The following AGAP1 variants were observed in gnomAD, a reference collection of about 807,000 sequenced individuals.
AGAP1 encodes arf-GAP with GTPase, ANK repeat and PH domain-containing protein 1.
Under a neutral mutation model 105.3 loss-of-function variants are expected in AGAP1, and 29 were observed. That is an observed-to-expected ratio of 0.28 (90% confidence interval 0.21 to 0.38). The LOEUF (loss-of-function observed/expected upper bound fraction) is 0.38. Among genes scored for constraint, AGAP1 ranks in the 10% least tolerant of loss-of-function variants. AGAP1 has a pLI of 1.00. For missense variants in AGAP1, 998 were observed against 1,165.1 expected (o/e 0.86, Z 2.09); for synonymous variants, 509 against 485.9 (o/e 1.05, Z -0.63).
chr2:236,028,313 C>G (rs1273438339), intron 13 of AGAP1, among the ~76,000 whole-genome samples: 2 of 152,196 alleles, frequency 1.3e-5, no homozygotes, highest in African/African-American at 4.8e-5. Context: ...AGGCCACCCT[C>G]AGGCTCTGGT....
intron 9 of AGAP1, among the ~76,000 whole-genome samples, chr2:235,811,180 T>C (rs1190131817): frequency 3.9e-5 from 6 of 152,190 alleles, no homozygotes; most frequent in African/African-American, 1.4e-4. Context: ...TTTTAATCTC[T>C]ATATTTGAGT....
At chr2:235,727,292 C>T (rs1202072989) in intron 3 of AGAP1, among the ~76,000 whole-genome samples, 1 of 151,652 alleles carries the variant, frequency 6.6e-6, no homozygotes, top group Admixed American at 6.6e-5. Context: ...AGTCCCAACC[C>T]TGTGTCTTCA....
Position 235,556,877 on chromosome 2 carries a change from C to G in AGAP1, c.163+62028C>G, listed in dbSNP as rs1943991457. ...AATTCCTGACCTAAGCTTGTGTGGT[C>G]TTTTGCTCTTCATTGGCAATGTAGA... On this transcript the variant is annotated intron_variant, in intron 1 of 17. Transcript: ENST00000304032. This position sits in a 1 kb window ranked among gnomAD's most constrained non-coding sequence, Gnocchi z 5.3. Among the ~76,000 whole-genome samples the G allele has an allele frequency of 6.6e-6, 1 of 152,126 alleles. No individual in the cohort carries two copies. The highest frequency in any genetic ancestry group is 1.5e-5 in the Non-Finnish European group (1 of 68,040).
chr2:235,804,688 T>A (rs1192872745), intron 8 of AGAP1, among the ~76,000 whole-genome samples: 1 of 152,204 alleles, frequency 6.6e-6, no homozygotes, highest in Non-Finnish European at 1.5e-5. Flanking sequence ...CAGGTGATAA[T>A]TGGATTACCT....
rs1224610061 is a variant in AGAP1, at chr2:235,596,052, C to G, written c.163+101203C>G. On this transcript the variant is annotated intron_variant, in intron 1 of 17. Coordinates refer to ENST00000304032, the MANE Select transcript of AGAP1 (RefSeq NM_001037131.3). The surrounding 1 kb of genome is among the most constrained non-coding windows in gnomAD (Gnocchi z 5.9). ...GGAAGTGGTTGTGAAAATCGCAGCC[C>G]TGTGAATTGTGTGCCCTAAGAGCCA... is the stretch of plus-strand genomic sequence containing the variant. Among the ~76,000 whole-genome samples the G allele has an allele frequency of 2.0e-5, 3 of 152,182 alleles. No homozygotes were observed. The highest frequency in any genetic ancestry group is 7.2e-5 in the African/African-American group (3 of 41,460).
At chr2:235,707,850 G>A (rs1209576685) in intron 1 of AGAP1, among the ~76,000 whole-genome samples, 1 of 151,318 alleles carries the variant, frequency 6.6e-6, no homozygotes, top group African/African-American at 2.4e-5. Context: ...CTCCCCCAGT[G>A]TGTGACATGG....
At position 236,061,381 on chromosome 2, in the gene AGAP1, C is replaced by T. The variant is rs1317057571; in HGVS notation, c.2114+12100C>T. Reference sequence around the variant, plus strand: ...CCTAAGATAAATGAAAACACTTGTCCACACAAAAATGTACACCTGAGTGTT... The same window carrying T: ...CCTAAGATAAATGAAAACACTTGTCTACACAAAAATGTACACCTGAGTGTT... On this transcript the variant is annotated intron_variant, in intron 16 of 17. Transcript: ENST00000304032. This position sits in a 1 kb window ranked among gnomAD's most constrained non-coding sequence, Gnocchi z 4.1. 1.3e-5 allele frequency among the ~76,000 whole-genome samples: 2 copies of T among 152,112 alleles called. No homozygotes were observed. The highest frequency in any genetic ancestry group is 2.4e-5 in the African/African-American group (1 of 41,416).
intron 13 of AGAP1, among the ~76,000 whole-genome samples, chr2:235,969,367 A>G (rs1373464480): frequency 6.6e-6 from 1 of 152,186 alleles, no homozygotes; most frequent in Non-Finnish European, 1.5e-5. Flanking sequence ...TGCAGTTGTA[A>G]CAAAGGAATA....
chr2:235,515,800 A>G (rs948069538), intron 1 of AGAP1, among the ~76,000 whole-genome samples: 43 of 152,184 alleles, frequency 2.8e-4, no homozygotes, highest in African/African-American at 9.9e-4. Flanking sequence ...CTTCTTGCAA[A>G]TAGTAAGGAA....
chr2:235,783,389 A>G (rs1268612301), intron 6 of AGAP1: 4 of 471,166 alleles, frequency 8.5e-6, no homozygotes, highest in Non-Finnish European at 1.8e-5. Context: ...TGGCCGGACC[A>G]GAGAAGTTAT....
Position 235,725,184 on chromosome 2 carries a change from G to A in AGAP1, c.310+7540G>A, listed in dbSNP as rs1470246586. 6.6e-6 allele frequency among the ~76,000 whole-genome samples: 1 copy of A among 152,202 alleles called. No individual in the cohort carries two copies. The highest frequency in any genetic ancestry group is 1.9e-4 in the East Asian group (1 of 5,178). On this transcript the variant is annotated intron_variant, in intron 3 of 17. Transcript: ENST00000304032. This position sits in a 1 kb window ranked among gnomAD's most constrained non-coding sequence, Gnocchi z 5.7. Reference sequence around the variant, plus strand: ...CAGCTGGCTGTACAGCCACCTGCAAGTCTTTGTTCCCGGGGTTAGCCTTGC... The same window carrying A: ...CAGCTGGCTGTACAGCCACCTGCAAATCTTTGTTCCCGGGGTTAGCCTTGC...
chr2:235,775,444 A>G (rs1453090167), intron 6 of AGAP1, among the ~76,000 whole-genome samples: 3 of 152,250 alleles, frequency 2.0e-5, no homozygotes, highest in East Asian at 1.9e-4. Flanking sequence ...ACGAGTTACC[A>G]TAGAAAGCTT....
intron 1 of AGAP1, among the ~76,000 whole-genome samples, chr2:235,521,212 T>A (rs188889389): frequency 4.4e-4 from 67 of 152,338 alleles, no homozygotes; most frequent in Admixed American, 9.8e-4. Flanking sequence ...GGTGATAAAC[T>A]CCAGTTATTG....
At chr2:235,513,341 T>C (rs1214165776) in intron 1 of AGAP1, among the ~76,000 whole-genome samples, 3 of 151,826 alleles carry the variant, frequency 2.0e-5, no homozygotes, top group Non-Finnish European at 4.4e-5. Context: ...GCCAACATGG[T>C]GAAACCCCGT....
intron 1 of AGAP1, among the ~76,000 whole-genome samples, chr2:235,534,718 G>C (rs879466797): frequency 1.3e-5 from 2 of 152,182 alleles, no homozygotes; most frequent in Non-Finnish European, 2.9e-5. Flanking sequence ...TCCTCATTCA[G>C]GGACACGGGG....
intron 13 of AGAP1, among the ~76,000 whole-genome samples, chr2:236,024,329 G>A (rs1293690738): frequency 2.6e-5 from 4 of 152,034 alleles, no homozygotes; most frequent in East Asian, 1.9e-4. Flanking sequence ...TAGCCACTGC[G>A]CCCGGCCCCA....
chr2:235,590,113 T>A (rs1259042123), intron 1 of AGAP1, among the ~76,000 whole-genome samples: 1 of 152,092 alleles, frequency 6.6e-6, no homozygotes, highest in Non-Finnish European at 1.5e-5. Context: ...ACTCCTGACT[T>A]CAAGTGATCT....
At position 235,578,721 on chromosome 2, in the gene AGAP1, G is replaced by T. The variant is rs554181072; in HGVS notation, c.163+83872G>T. On this transcript the variant is annotated intron_variant, in intron 1 of 17. Transcript: ENST00000304032. This position sits in a 1 kb window ranked among gnomAD's most constrained non-coding sequence, Gnocchi z 4.9. ...AATTGCTTGAACCCAGGAGGCGGAG[G>T]TTGCAGTAAGCCGACATTGTGCCAC... 1.0e-3 allele frequency among the ~76,000 whole-genome samples: 151 copies of T among 150,548 alleles called. 1 individual carries two copies. Among genetic ancestry groups the T allele is most frequent in the African/African-American group, 3.7e-3 (149 of 40,798 alleles).
chr2:235,597,366 C>CACAG (rs1945560036), intron 1 of AGAP1, among the ~76,000 whole-genome samples: 1 of 152,234 alleles, frequency 6.6e-6, no homozygotes, highest in Non-Finnish European at 1.5e-5. Flanking sequence ...CTCTGCCACA[C>CACAG]ACAGCCCTTC....
Sources: gnomAD v4.1 joint callset for allele counts (sites outside exome capture counted in the v4.1 genomes callset) on GRCh38, gnomAD v4.1.1 for gene constraint, Gnocchi (gnomAD v3.1) non-coding constraint, MANE v1.5 for transcripts, NCBI Gene and HGNC (gene_info 2026-07-23, HGNC 2026-07-21) for gene names.